Variants in CDC42BPA observed in about 807,000 individuals in gnomAD.
The protein encoded by CDC42BPA is CDC42 binding protein kinase alpha, also known as serine/threonine-protein kinase MRCK alpha.
CDC42BPA carries 80 observed loss-of-function variants against 223.5 expected under a neutral mutation model. The observed-to-expected ratio is 0.36, with a 90% CI of 0.30 to 0.43. CDC42BPA has a LOEUF of 0.43. Among genes scored for constraint, CDC42BPA ranks in the 20% least tolerant of loss-of-function variants. The pLI is 1.00. For synonymous variants in CDC42BPA, 694 were observed against 718.6 expected, an observed-to-expected ratio of 0.97 and a Z score of 0.55; for missense variants, 1,743 against 2,099.9, an observed-to-expected ratio of 0.83 and a Z score of 3.32.
At chr1:227,279,409 T>C (rs77572809) in intron 1 of CDC42BPA, among the ~76,000 whole-genome samples, 3,175 of 152,202 alleles carry the variant, frequency 0.021, 125 homozygotes, top group African/African-American at 0.073. Flanking sequence ...CTAATTTTAA[T>C]AATAGAAAAC....
intron 14 of CDC42BPA, among the ~76,000 whole-genome samples, chr1:227,109,871 T>C (rs996461354): frequency 4.0e-5 from 6 of 151,854 alleles, no homozygotes; most frequent in African/African-American, 9.7e-5. Context: ...TTGTTGTATA[T>C]GCAGTCTGTG....
At position 227,317,265 on chromosome 1, in the gene CDC42BPA, G is replaced by A. The variant is rs1183319208; in HGVS notation, c.-83C>T. ...TCTGAACCTAAATTTTAAAAGGTATGGTTTTAAAAATAAACCACTTGTTAT... is the reference window on the plus strand; with the variant it reads ...TCTGAACCTAAATTTTAAAAGGTATAGTTTTAAAAATAAACCACTTGTTAT... On this transcript the variant is annotated 5_prime_UTR_variant, in exon 1 of 37. Coordinates refer to ENST00000366766, the MANE Select transcript of CDC42BPA (RefSeq NM_001394014.1). 7.0e-7 allele frequency: 1 copy of A among 1,438,518 alleles called. No individual in the cohort carries two copies. Among genetic ancestry groups the A allele is most frequent in the Non-Finnish European group, 9.4e-7 (1 of 1,061,326 alleles). The allele number at this position is 1,438,518 out of a possible 1,614,324, so 89.1% of individuals were successfully genotyped here.
intron 1 of CDC42BPA, among the ~76,000 whole-genome samples, chr1:227,285,854 G>GA (rs5781479): frequency 1.3e-4 from 20 of 150,886 alleles, no homozygotes; most frequent in East Asian, 7.8e-4. Flanking sequence ...TATAGGTAAA[G>GA]AAAAAAAAAA....
intron 3 of CDC42BPA, among the ~76,000 whole-genome samples, chr1:227,203,911 G>A (rs1672234891): frequency 6.6e-6 from 1 of 152,156 alleles, no homozygotes; most frequent in Admixed American, 6.6e-5. Context: ...TCTCTTCATC[G>A]TATTGATAAG....
At chr1:227,208,244 T>C (rs962619495) in intron 3 of CDC42BPA, among the ~76,000 whole-genome samples, 1 of 151,580 alleles carries the variant, frequency 6.6e-6, no homozygotes, top group Non-Finnish European at 1.5e-5. Flanking sequence ...TTGAGTTCAT[T>C]GTAGATTCTG....
intron 2 of CDC42BPA, among the ~76,000 whole-genome samples, chr1:227,237,066 A>G (rs1005786855): frequency 6.7e-6 from 1 of 149,390 alleles, no homozygotes; most frequent in Non-Finnish European, 1.5e-5. Flanking sequence ...AAAAAAAAAA[A>G]GCGTCTCATA....
chr1:226,997,004 A>T (rs948281828), intron 35 of CDC42BPA, among the ~76,000 whole-genome samples: 1 of 151,948 alleles, frequency 6.6e-6, no homozygotes, highest in African/African-American at 2.4e-5. Context: ...CTCTTTTTCT[A>T]TTGTTTGGAA....
At chr1:227,200,105 T>C (rs1268541125) in intron 3 of CDC42BPA, among the ~76,000 whole-genome samples, 2 of 141,980 alleles carry the variant, frequency 1.4e-5, no homozygotes, top group Non-Finnish European at 3.1e-5. Flanking sequence ...ATCACACATG[T>C]ATATGTCTAC....
At chr1:227,090,753 G>C (rs988437867) in intron 16 of CDC42BPA, among the ~76,000 whole-genome samples, 2 of 152,188 alleles carry the variant, frequency 1.3e-5, no homozygotes, top group Admixed American at 6.5e-5. Flanking sequence ...GGAAGTTGCA[G>C]TGAGACGAGA....
intron 2 of CDC42BPA, among the ~76,000 whole-genome samples, chr1:227,234,027 A>G (rs1169419552): frequency 6.6e-6 from 1 of 152,212 alleles, no homozygotes; most frequent in Non-Finnish European, 1.5e-5. Context: ...GTTCAGCAAG[A>G]TAACATGTCC....
intron 26 of CDC42BPA, among the ~76,000 whole-genome samples, chr1:227,034,015 G>A (rs1212190502): frequency 4.6e-5 from 7 of 152,118 alleles, no homozygotes; most frequent in South Asian, 2.1e-4. Context: ...AAGATAATGC[G>A]TTTGAGATGC....
intron 1 of CDC42BPA, among the ~76,000 whole-genome samples, chr1:227,315,140 A>G (rs1443846675): frequency 6.6e-6 from 1 of 152,014 alleles, no homozygotes; most frequent in East Asian, 1.9e-4. Context: ...AGCCTTTTCC[A>G]TTCTTAACTT....
intron 15 of CDC42BPA, among the ~76,000 whole-genome samples, chr1:227,099,703 A>G (rs749656551): frequency 3.3e-5 from 5 of 152,024 alleles, no homozygotes; most frequent in Non-Finnish European, 7.4e-5. Context: ...ATTCTTCTCC[A>G]TGTAGAATGC....
chr1:227,254,259 T>C (rs16847506), intron 1 of CDC42BPA, 104 bp from the exon 2 acceptor site: 6,216 of 595,674 alleles, frequency 0.01, 270 homozygotes, highest in African/African-American at 0.1. Context: ...AATTATGATT[T>C]AAGAATTGTC....
At chr1:227,139,424 G>T in intron 10 of CDC42BPA, 152 bp downstream of exon 10, 1 of 473,066 alleles carries the variant, frequency 2.1e-6, no homozygotes, top group Non-Finnish European at 3.7e-6. Flanking sequence ...TACATAAATG[G>T]TATTATGCTG....
At chr1:227,265,849 G>A (rs919976821) in intron 1 of CDC42BPA, among the ~76,000 whole-genome samples, 121 of 152,134 alleles carry the variant, frequency 8.0e-4, no homozygotes, top group African/African-American at 2.7e-3. Context: ...GAAGGTCCTC[G>A]TTTGAACTCT....
rs200731665 is a variant in CDC42BPA, at chr1:227,244,569, CTCA to C, written c.270+9492_270+9494del. Among the ~76,000 whole-genome samples the C allele has an allele frequency of 5.5e-3, 843 of 151,910 alleles. 6 individuals carry two copies. The highest frequency in any genetic ancestry group is 0.019 in the African/African-American group (805 of 41,374). ...TGATCTGCTTGATGGTTTATACAAACTCATACAAATGTAAAAATCTGGCTATGG... is the reference window on the plus strand; with the variant it reads ...TGATCTGCTTGATGGTTTATACAAACTACAAATGTAAAAATCTGGCTATGG... On this transcript the variant is annotated intron_variant, in intron 2 of 36. Coordinates refer to ENST00000366766, the MANE Select transcript of CDC42BPA (RefSeq NM_001394014.1).
intron 3 of CDC42BPA, among the ~76,000 whole-genome samples, chr1:227,201,354 C>G (rs1316015747): frequency 6.6e-6 from 1 of 152,020 alleles, no homozygotes; most frequent in Non-Finnish European, 1.5e-5. Context: ...CACTATCTTG[C>G]TCAGGTTGGT....
At chr1:227,192,385 C>G (rs1038672142) in intron 5 of CDC42BPA, among the ~76,000 whole-genome samples, 7 of 152,172 alleles carry the variant, frequency 4.6e-5, no homozygotes, top group Non-Finnish European at 7.3e-5. Context: ...TTCCCCAGCC[C>G]GACCCAACCC....
Sources: gnomAD v4.1 joint callset for allele counts (sites outside exome capture counted in the v4.1 genomes callset) on GRCh38, gnomAD v4.1.1 for gene constraint, MANE v1.5 for transcripts, NCBI Gene and HGNC (gene_info 2026-07-23, HGNC 2026-07-21) for gene names.